The following ESRRG variants were observed in gnomAD, a reference collection of about 807,000 sequenced individuals.
ESRRG encodes the protein estrogen-related receptor gamma.
In ESRRG, 13 loss-of-function variants were observed where a neutral mutation model predicts 44.0. The observed-to-expected ratio is 0.30, with a 90% confidence interval of 0.19 to 0.47. The LOEUF is 0.47. Ranked by LOEUF, ESRRG falls within the 20% of genes least tolerant of loss-of-function variation. The probability of loss-of-function intolerance (pLI) is 1.00; values close to 1 mark genes in which losing one functional copy is unlikely to be tolerated. For synonymous variants in ESRRG, 215 were observed against 214.6 expected, an observed-to-expected ratio of 1.00 and a Z score of -0.02; for missense variants, 395 against 580.6, an observed-to-expected ratio of 0.68 and a Z score of 3.29.
chr1:216,564,295 G>A lies in ESRRG; in HGVS notation c.786C>T (p.Ile262=). Residue 262 remains isoleucine (I), a synonymous_variant, in exon 5 of 7, where the codon ATC becomes ATT. Coordinates refer to ENST00000408911, the MANE Select transcript of ESRRG (RefSeq NM_001438.4). ...AGTCACACAGTGTAGTGAGGGCTTT[G>A]ATGTCACTGTCGGGGACAGTAGGGT... ...MPDPTVPDSD[I]KALTTLCDLA... The A allele has an allele frequency of 6.2e-7, 1 of 1,612,264 alleles. No individual in the cohort carries two copies. Among genetic ancestry groups the A allele is most frequent in the Non-Finnish European group, 8.5e-7 (1 of 1,178,920 alleles).
At chr1:216,958,008 A>AG (rs990748258) in intron 1 of ESRRG, among the ~76,000 whole-genome samples, 1 of 127,512 alleles carries the variant, frequency 7.8e-6, no homozygotes, top group African/African-American at 2.6e-5. Flanking sequence ...TTGTTTCAGA[A>AG]GGTCACATGA....
intron 1 of ESRRG, among the ~76,000 whole-genome samples, chr1:216,955,761 C>T (rs1046334462): frequency 4.6e-5 from 7 of 152,064 alleles, no homozygotes; most frequent in Non-Finnish European, 7.4e-5. Flanking sequence ...AATGATATCT[C>T]GTTATGGTTT....
chr1:216,930,212 C>T (rs2063152487), intron 2 of ESRRG, among the ~76,000 whole-genome samples: 1 of 152,192 alleles, frequency 6.6e-6, no homozygotes, highest in Non-Finnish European at 1.5e-5. Flanking sequence ...CTCCTTCCTT[C>T]TGCTTCAGAT....
intron 3 of ESRRG, among the ~76,000 whole-genome samples, chr1:216,639,818 T>C (rs1220296726): frequency 6.6e-6 from 1 of 152,188 alleles, no homozygotes; most frequent in Non-Finnish European, 1.5e-5. Flanking sequence ...ATACCCTCCC[T>C]TTGGGTTTTG....
chr1:216,990,559 CCT>C (rs1365232327), intron 1 of ESRRG, among the ~76,000 whole-genome samples: 1 of 152,006 alleles, frequency 6.6e-6, no homozygotes, highest in Non-Finnish European at 1.5e-5. Context: ...CTTGGCCACC[CCT>C]GAGACAGCAA....
chr1:216,860,554 T>C (rs1417297263), intron 2 of ESRRG, among the ~76,000 whole-genome samples: 1 of 152,082 alleles, frequency 6.6e-6, no homozygotes, highest in Non-Finnish European at 1.5e-5. Flanking sequence ...AAATAGAGAT[T>C]TCTCATTGGA....
intron 3 of ESRRG, among the ~76,000 whole-genome samples, chr1:216,571,359 C>G (rs540471306): frequency 6.6e-6 from 1 of 152,214 alleles, no homozygotes. Context: ...AGGAGAATCG[C>G]TTAAACCTGA....
At chr1:216,603,712 T>G (rs542123910) in intron 3 of ESRRG, among the ~76,000 whole-genome samples, 2 of 152,224 alleles carry the variant, frequency 1.3e-5, no homozygotes, top group African/African-American at 4.8e-5. Flanking sequence ...GTGGATCACT[T>G]GAGGCCAGGA....
chr1:216,855,667 C>T (rs942274155), intron 2 of ESRRG, among the ~76,000 whole-genome samples: 7 of 152,164 alleles, frequency 4.6e-5, no homozygotes, highest in African/African-American at 2.4e-5. Flanking sequence ...CACATCTGCG[C>T]TTAATCCACC....
chr1:216,928,173 C>T (rs1321285478), intron 2 of ESRRG, among the ~76,000 whole-genome samples: 5 of 152,180 alleles, frequency 3.3e-5, no homozygotes, highest in Non-Finnish European at 5.9e-5. Flanking sequence ...GCTGAGGGCT[C>T]TCCCTGCATG....
chr1:216,613,935 TCC>T (rs1456382486), intron 3 of ESRRG, among the ~76,000 whole-genome samples: 6 of 152,236 alleles, frequency 3.9e-5, no homozygotes, highest in Non-Finnish European at 8.8e-5. Flanking sequence ...CCCCGCTTTG[TCC>T]TAAGTTTCAT....
intron 2 of ESRRG, among the ~76,000 whole-genome samples, chr1:216,919,313 T>C (rs10779284): frequency 0.5 from 75,596 of 151,950 alleles, 19,134 homozygotes; most frequent in Middle Eastern, 0.58. Context: ...AGAGAAAATG[T>C]CATCCATGTG....
At chr1:216,795,844 C>T (rs780594652) in intron 2 of ESRRG, among the ~76,000 whole-genome samples, 19 of 151,992 alleles carry the variant, frequency 1.3e-4, no homozygotes, top group South Asian at 2.1e-4. Context: ...CAGGTGAACC[C>T]GAACCATGGT....
chr1:216,816,404 A>G (rs2095138638), intron 2 of ESRRG, among the ~76,000 whole-genome samples: 1 of 152,214 alleles, frequency 6.6e-6, no homozygotes, highest in African/African-American at 2.4e-5. Context: ...CCCAATAAAT[A>G]TATACAATTT....
intron 2 of ESRRG, among the ~76,000 whole-genome samples, chr1:216,833,633 G>A (rs571899182): frequency 3.3e-5 from 5 of 152,222 alleles, no homozygotes; most frequent in African/African-American, 7.2e-5. Flanking sequence ...AATAGATACC[G>A]CTTAAGGCTA....
Position 216,678,771 on chromosome 1 carries a change from G to A in ESRRG, c.57-1280C>T, listed in dbSNP as rs111463335. Among the ~76,000 whole-genome samples the A allele has an allele frequency of 3.8e-3, 574 of 152,314 alleles. 5 individuals carry two copies. Among genetic ancestry groups the A allele is most frequent in the African/African-American group, 0.013 (546 of 41,570 alleles). ...AAGGGACTTAGATAATTGCCTCCCA[G>A]TGGAAAATTGATTTATGGGAATCCC... On this transcript the variant is annotated intron_variant, in intron 1 of 6. Transcript: ENST00000408911.
intron 2 of ESRRG, among the ~76,000 whole-genome samples, chr1:216,766,273 A>G (rs1176212444): frequency 6.6e-6 from 1 of 152,076 alleles, no homozygotes; most frequent in African/African-American, 2.4e-5. Flanking sequence ...TGGATATTTG[A>G]ATTTATAGCT....
intron 5 of ESRRG, among the ~76,000 whole-genome samples, chr1:216,532,445 T>C (rs1297386808): frequency 6.6e-6 from 1 of 152,198 alleles, no homozygotes; most frequent in East Asian, 1.9e-4. Flanking sequence ...TAATTTCAAA[T>C]AATAAAATAT....
chr1:216,788,995 G>C (rs2094222489), intron 2 of ESRRG, among the ~76,000 whole-genome samples: 1 of 152,148 alleles, frequency 6.6e-6, no homozygotes, highest in South Asian at 2.1e-4. Context: ...AGGAGGAGTT[G>C]CTTCTTACGG....
Sources: gnomAD v4.1 joint callset for allele counts (sites outside exome capture counted in the v4.1 genomes callset) on GRCh38, gnomAD v4.1.1 for gene constraint, MANE v1.5 for transcripts, NCBI Gene and HGNC (gene_info 2026-07-23, HGNC 2026-07-21) for gene names.